SLCO1A2: variants seen among roughly 807,000 people sequenced by gnomAD.
SLCO1A2 encodes solute carrier organic anion transporter family member 1A2.
SLCO1A2 carries 67 observed loss-of-function variants against 69.0 expected under a neutral mutation model. That is an observed-to-expected ratio of 0.97 (90% CI 0.80 to 1.19). The LOEUF (loss-of-function observed/expected upper bound fraction) is 1.19. SLCO1A2 is among the 50% of genes most tolerant of loss of function. The pLI, the probability that SLCO1A2 is intolerant of heterozygous loss-of-function variation, is 0.00. For missense variants in SLCO1A2, 787 were observed against 793.7 expected, an observed-to-expected ratio of 0.99 and a Z score of 0.10; for synonymous variants, 260 against 265.9, an observed-to-expected ratio of 0.98 and a Z score of 0.22.
chr12:21,400,745 G>T (rs1209851307), intron 1 of SLCO1A2, among the ~76,000 whole-genome samples: 3 of 149,210 alleles, frequency 2.0e-5, no homozygotes, highest in Non-Finnish European at 4.5e-5. Context: ...GATGAAATTG[G>T]AAATCATCAT....
At position 21,303,681 on chromosome 12, in the gene SLCO1A2, C is replaced by G. The variant is rs148837904; in HGVS notation, c.589+746G>C. Reference sequence around the variant, plus strand: ...ATATTTCAGAGATTGGAAGGCAGCACAAGAAGGTGGGTCTTAAGTTGGCTA... The same window carrying G: ...ATATTTCAGAGATTGGAAGGCAGCAGAAGAAGGTGGGTCTTAAGTTGGCTA... On this transcript the variant is annotated intron_variant, in intron 6 of 14. Transcript: ENST00000683939. Among the ~76,000 whole-genome samples, 324 of 152,260 alleles carry G rather than the reference C, an allele frequency of 2.1e-3. 1 individual carries two copies. Among genetic ancestry groups the G allele is most frequent in the African/African-American group, 7.4e-3 (308 of 41,546 alleles).
At chr12:21,366,063 G>A (rs985271824) in intron 2 of SLCO1A2, among the ~76,000 whole-genome samples, 2 of 152,284 alleles carry the variant, frequency 1.3e-5, no homozygotes, top group Admixed American at 6.5e-5. Context: ...ATACCCAAAG[G>A]AGTATAAATC....
At chr12:21,395,283 T>A (rs1003313970) in exon 1 of SLCO1A2, 1 of 152,560 alleles carries the variant, frequency 6.6e-6, no homozygotes, top group Non-Finnish European at 1.5e-5. Context: ...GAAAATCGGG[T>A]CACTCCCACC....
upstream of SLCO1A2, among the ~76,000 whole-genome samples, chr12:21,400,276 A>T (rs1416712142): frequency 4.6e-4 from 70 of 152,154 alleles, no homozygotes; most frequent in South Asian, 1.0e-3. Flanking sequence ...ACGTGAAAAA[A>T]TGCTCATCAT....
At chr12:21,328,475 G>T (rs1952401231) in intron 2 of SLCO1A2, among the ~76,000 whole-genome samples, 1 of 152,108 alleles carries the variant, frequency 6.6e-6, no homozygotes, top group Non-Finnish European at 1.5e-5. Context: ...CTACTGCTAG[G>T]CTGGATAGAT....
chr12:21,300,663 C>A, intron 7 of SLCO1A2, 94 bp from the exon 8 acceptor site: 1 of 1,008,018 alleles, frequency 9.9e-7, no homozygotes, highest in Non-Finnish European at 1.4e-6. Flanking sequence ...CGGGTCCCAA[C>A]CAACTATAAA....
chr12:21,273,420 A>AGAATT, intron 14 of SLCO1A2, among the ~76,000 whole-genome samples: 1 of 152,322 alleles, frequency 6.6e-6, no homozygotes, highest in South Asian at 2.1e-4. Context: ...GGATCCATGG[A>AGAATT]GAATTGTCTA....
At chr12:21,373,292 A>C in intron 2 of SLCO1A2, 1 of 1,110,862 alleles carries the variant, frequency 9.0e-7, no homozygotes, top group South Asian at 1.2e-5. Context: ...ATCAATTAGA[A>C]CTGTAAGAAA....
intron 2 of SLCO1A2, among the ~76,000 whole-genome samples, chr12:21,323,737 G>A (rs1951931837): frequency 6.6e-6 from 1 of 152,064 alleles, no homozygotes; most frequent in African/African-American, 2.4e-5. Flanking sequence ...ATTCTTCATG[G>A]TTGGGCTGGA....
At chr12:21,312,166 T>C (rs894874962) in intron 4 of SLCO1A2, among the ~76,000 whole-genome samples, 1 of 152,252 alleles carries the variant, frequency 6.6e-6, no homozygotes, top group Non-Finnish European at 1.5e-5. Context: ...ATCAATTAAC[T>C]TAGCTAGATC....
chr12:21,381,568 C>A (rs1044927450), intron 1 of SLCO1A2, among the ~76,000 whole-genome samples: 1 of 152,012 alleles, frequency 6.6e-6, no homozygotes, highest in African/African-American at 2.4e-5. Context: ...GAGGCTGAGG[C>A]AGGCAGATCA....
intron 1 of SLCO1A2, among the ~76,000 whole-genome samples, chr12:21,410,694 G>C (rs1415792479): frequency 1.3e-5 from 2 of 152,144 alleles, no homozygotes; most frequent in Admixed American, 1.3e-4. Context: ...TATTCTAGTA[G>C]TGATACCAAT....
chr12:21,323,834 T>C (rs929132000), intron 2 of SLCO1A2, among the ~76,000 whole-genome samples: 45 of 152,188 alleles, frequency 3.0e-4, no homozygotes, highest in African/African-American at 1.1e-3. Context: ...TTGGTTTGGA[T>C]GATCTGAACT....
intron 1 of SLCO1A2, among the ~76,000 whole-genome samples, chr12:21,386,511 A>C (rs1192794941): frequency 1.3e-5 from 2 of 151,820 alleles, no homozygotes; most frequent in African/African-American, 4.8e-5. Context: ...GTCTCACGAG[A>C]TCTGATGGTT....
chr12:21,342,730 A>G (rs1953112852), intron 2 of SLCO1A2, among the ~76,000 whole-genome samples: 1 of 152,148 alleles, frequency 6.6e-6, no homozygotes, highest in South Asian at 2.1e-4. Context: ...ATCTAAAATT[A>G]AACATTTTAG....
chr12:21,387,639 G>C (rs1940946938), intron 1 of SLCO1A2, among the ~76,000 whole-genome samples: 1 of 152,212 alleles, frequency 6.6e-6, no homozygotes, highest in Non-Finnish European at 1.5e-5. Flanking sequence ...TGTCCAGGCA[G>C]AGGTTTGTTG....
chr12:21,295,742 T>G lies in SLCO1A2; in HGVS notation c.1126A>C (p.Ile376Leu). The stretch of plus-strand genomic sequence containing the variant: ...ACAGTAATCTTGAACTTCTTCATAA[T>G]TAAACCACCAATTATATATCCAATA... Reference protein sequence around the residue: ...ICIGYIIGGLIMKKFKITVKQ... With the variant: ...ICIGYIIGGLLMKKFKITVKQ... Residue 376 changes from isoleucine (I) to leucine (L), a missense_variant, in exon 10 of 15, where the codon ATT (isoleucine) becomes CTT (leucine). Physicochemically the swap from Ile to Leu is conservative, Grantham distance 5. Transcript: ENST00000683939. 1 of 1,603,350 alleles carries G rather than the reference T, an allele frequency of 6.2e-7. No individual in the cohort carries two copies. Among genetic ancestry groups the G allele is most frequent in the Non-Finnish European group, 8.5e-7 (1 of 1,170,500 alleles).
rs1319371979 is a variant in SLCO1A2, at chr12:21,292,164, C to T, written c.1610G>A (p.Arg537Lys). The T allele has an allele frequency of 3.2e-5, 50 of 1,560,682 alleles. No individual in the cohort carries two copies. Among genetic ancestry groups the T allele is most frequent in the Non-Finnish European group, 4.1e-5 (48 of 1,157,586 alleles). ...AAIPGYMVLL[R>K]CMKSEEKSLG... ...ATAAATAAAGAAAATAATTTTGTACCTCAAGAGAACCATATATCCAGGTAT... is the reference window on the plus strand; with the variant it reads ...ATAAATAAAGAAAATAATTTTGTACTTCAAGAGAACCATATATCCAGGTAT... The change falls in exon 12 of 15, where the codon AGG becomes AAG. Residue 537 changes from arginine (R) to lysine (K), a missense_variant and splice_region_variant. Arg to Lys is a conservative substitution (Grantham distance 26). Transcript: ENST00000683939.
intron 2 of SLCO1A2, among the ~76,000 whole-genome samples, chr12:21,332,083 A>G (rs1952653414): frequency 6.6e-6 from 1 of 152,126 alleles, no homozygotes; most frequent in Admixed American, 6.6e-5. Context: ...ATCAATTTAG[A>G]AAGTTTATTT....
Sources: gnomAD v4.1 joint callset for allele counts (sites outside exome capture counted in the v4.1 genomes callset) on GRCh38, gnomAD v4.1.1 for gene constraint, MANE v1.5 for transcripts, NCBI Gene and HGNC (gene_info 2026-07-23, HGNC 2026-07-21) for gene names.